The following PELI1 variants were observed in gnomAD, a reference collection of about 807,000 sequenced individuals.
PELI1 encodes the protein pellino E3 ubiquitin protein ligase 1, also known as E3 ubiquitin-protein ligase pellino homolog 1.
Under a neutral mutation model 41.3 loss-of-function variants are expected in PELI1, and 15 were observed. That is an observed-to-expected ratio of 0.36 (90% confidence interval 0.24 to 0.56). The LOEUF (loss-of-function observed/expected upper bound fraction) is 0.56. PELI1 is among the 20% of genes least tolerant of loss of function. PELI1 has a pLI of 0.82. For missense variants in PELI1, 403 were observed against 525.5 expected (o/e 0.77, Z 2.28); for synonymous variants, 178 against 180.1 (o/e 0.99, Z 0.09).
chr2:64,100,325 C>T (rs1450986074), intron 4 of PELI1, 73 bp downstream of exon 4: 2 of 781,376 alleles, frequency 2.6e-6, no homozygotes, highest in Non-Finnish European at 4.6e-6. Flanking sequence ...CCTCTGACCT[C>T]AGCAAAAGTC....
At chr2:64,103,014 T>C (rs1680497866) in intron 3 of PELI1, among the ~76,000 whole-genome samples, 1 of 151,930 alleles carries the variant, frequency 6.6e-6, no homozygotes, top group African/African-American at 2.4e-5. Flanking sequence ...GCTAATTTTT[T>C]GTATTTTTGG....
chr2:64,143,149 T>A (rs1681968060), intron 1 of PELI1: 1 of 152,234 alleles, frequency 6.6e-6, no homozygotes, highest in Admixed American at 6.5e-5. Flanking sequence ...CCCTTCTTGC[T>A]CTCTTGCCTC....
At chr2:64,099,165 TACACACACACAC>T (rs70965174) in intron 4 of PELI1, among the ~76,000 whole-genome samples, 59 of 144,892 alleles carry the variant, frequency 4.1e-4, no homozygotes, top group South Asian at 2.7e-3. Flanking sequence ...ATCTTGGAGA[TACACACACACAC>T]ACACACACAC....
chr2:64,118,587 G>C (rs1211108641), intron 1 of PELI1, among the ~76,000 whole-genome samples: 1 of 152,132 alleles, frequency 6.6e-6, no homozygotes, highest in Non-Finnish European at 1.5e-5. Context: ...TTAGCAGGAA[G>C]ACTCCCCCTA....
Position 64,094,643 on chromosome 2 carries a change from G to A in PELI1, c.*59C>T, listed in dbSNP as rs969798289. On this transcript the variant is annotated 3_prime_UTR_variant, in exon 7 of 7. Coordinates refer to ENST00000358912, the MANE Select transcript of PELI1 (RefSeq NM_020651.4). Reference sequence around the variant, plus strand: ...AAACTGTGACGTGGACAACAGGTTCGAAAACCCAACTCACTTAGCTTATAA... The same window carrying A: ...AAACTGTGACGTGGACAACAGGTTCAAAAACCCAACTCACTTAGCTTATAA... 10 of 1,316,448 alleles carry A rather than the reference G, an allele frequency of 7.6e-6. No individual in the cohort carries two copies. The East Asian group carries it at 1.2e-4, about 15-fold the overall frequency. The allele number at this position is 1,316,448 out of a possible 1,614,324, so 81.5% of individuals were successfully genotyped here.
At chr2:64,120,744 T>C (rs1015374757) in intron 1 of PELI1, among the ~76,000 whole-genome samples, 3 of 152,234 alleles carry the variant, frequency 2.0e-5, no homozygotes, top group Admixed American at 6.5e-5. Context: ...GTGATCTTAA[T>C]TGGAATCATT....
At chr2:64,125,541 A>G (rs1681357033) in intron 1 of PELI1, among the ~76,000 whole-genome samples, 1 of 152,190 alleles carries the variant, frequency 6.6e-6, no homozygotes, top group African/African-American at 2.4e-5. Flanking sequence ...CCCTCTGAGG[A>G]CAAAGACATT....
At position 64,094,924 on chromosome 2, in the gene PELI1, C is replaced by A. The variant is rs747171765; in HGVS notation, c.1035G>T (p.Leu345=). Residue 345 remains leucine, a synonymous_variant, in exon 7 of 7, where the codon CTG becomes CTT. Transcript: ENST00000358912. The stretch of plus-strand genomic sequence containing the variant: ...AAAATCCAGCTTCACATCCAAGCCA[C>A]AGAGGAACATAGGGACCAACAGACC... The part of the protein sequence containing the change: ...MCRSVGPYVP[L]WLGCEAGFYV... The A allele has an allele frequency of 3.1e-6, 5 of 1,612,582 alleles. No individual in the cohort carries two copies. Among genetic ancestry groups the A allele is most frequent in the Non-Finnish European group, 3.4e-6 (4 of 1,179,550 alleles).
intron 3 of PELI1, 73 bp downstream of exon 3, chr2:64,104,628 G>T (rs1680559785): frequency 1.1e-5 from 16 of 1,469,586 alleles, no homozygotes; most frequent in Admixed American, 4.6e-5. Context: ...GAATGCTAGA[G>T]AATACAAACA....
intron 1 of PELI1, among the ~76,000 whole-genome samples, chr2:64,110,010 G>C (rs144987065): frequency 6.6e-6 from 1 of 152,030 alleles, no homozygotes; most frequent in Non-Finnish European, 1.5e-5. Flanking sequence ...TTTGGGAAGC[G>C]GAGGCGGGAA....
At chr2:64,113,344 A>C (rs76402706) in intron 1 of PELI1, among the ~76,000 whole-genome samples, 6,197 of 152,160 alleles carry the variant, frequency 0.041, 142 homozygotes, top group African/African-American at 0.073. Context: ...TGAGAACTTT[A>C]AATGAGTATG....
At position 64,094,139 on chromosome 2, in the gene PELI1, G is replaced by A. The variant is rs1254335196; in HGVS notation, c.*563C>T. The A allele has an allele frequency of 6.6e-6, 1 of 152,510 alleles. No homozygotes were observed. Among genetic ancestry groups the A allele is most frequent in the Non-Finnish European group, 1.5e-5 (1 of 68,038 alleles). The allele number at this position is 152,510 out of a possible 1,614,324, so 9.4% of individuals were successfully genotyped here. A position where few individuals can be genotyped will look rare whatever the true frequency, so the allele number is the denominator to read the frequency against. ...CAAATTCCATATTTAGATTGGGGTG[G>A]GGAGAGAGGCTCTCTCGTCCTTCTT... On this transcript the variant is annotated 3_prime_UTR_variant, in exon 7 of 7. Coordinates refer to ENST00000358912, the MANE Select transcript of PELI1 (RefSeq NM_020651.4).
intron 1 of PELI1, among the ~76,000 whole-genome samples, chr2:64,112,398 A>G (rs1680834554): frequency 6.6e-6 from 1 of 152,156 alleles, no homozygotes; most frequent in African/African-American, 2.4e-5. Context: ...GCATAACACT[A>G]TAGATTTAGT....
rs1325330746 is a variant in PELI1 at position 64,094,887 on chromosome 2, C to T, written c.1072G>A (p.Gly358Ser). Residue 358 changes from glycine to serine, a missense_variant, in exon 7 of 7, where the codon GGC (glycine) becomes AGC (serine). Transcript: ENST00000358912. ...GGGCTAAACGCATGGGTTGGAGGGC[C>T]GGCGTCCACATAAAATCCAGCTTCA... ...GCEAGFYVDAGPPTHAFSPCG... is the reference protein window; with the variant it reads ...GCEAGFYVDASPPTHAFSPCG... The T allele has an allele frequency of 9.3e-6, 15 of 1,614,002 alleles. No homozygotes were observed. The highest frequency in any genetic ancestry group is 3.3e-5 in the South Asian group (3 of 91,084).
At chr2:64,139,843 TA>T (rs1373961183) in intron 1 of PELI1, among the ~76,000 whole-genome samples, 9 of 152,224 alleles carry the variant, frequency 5.9e-5, no homozygotes, top group African/African-American at 1.9e-4. Context: ...CCCAGTTTTC[TA>T]AACACAGCAC....
At chr2:64,134,952 C>A (rs1430726827) in intron 1 of PELI1, among the ~76,000 whole-genome samples, 5 of 152,138 alleles carry the variant, frequency 3.3e-5, no homozygotes. Context: ...CAGGGCCAGT[C>A]ACTTCATAAT....
rs1680117675 is a variant in PELI1, at chr2:64,093,423, T to C, written c.*1279A>G. ...AGATTTGATGTAGTGCAACTGTCTA[T>C]ACTTGTGGTGCCTTTGAAAAAAGGG... On this transcript the variant is annotated 3_prime_UTR_variant, in exon 7 of 7. Transcript: ENST00000358912. 1 of 152,670 alleles carries C rather than the reference T, an allele frequency of 6.6e-6. No homozygotes were observed. The highest frequency in any genetic ancestry group is 6.5e-5 in the Admixed American group (1 of 15,292). 9.5% of individuals were successfully genotyped at this position (152,670 alleles called of 1,614,324 possible). A position where few individuals can be genotyped will look rare whatever the true frequency, so the allele number is the denominator to read the frequency against.
At chr2:64,123,737 G>C (rs186674538) in intron 1 of PELI1, among the ~76,000 whole-genome samples, 4 of 152,276 alleles carry the variant, frequency 2.6e-5, no homozygotes, top group Admixed American at 2.0e-4. Context: ...CACTCTGGCA[G>C]TTCCTCCAGA....
At chr2:64,100,537 AG>A in intron 3 of PELI1, 38 bp from the exon 4 acceptor site, 3 of 939,066 alleles carry the variant, frequency 3.2e-6, no homozygotes, top group Non-Finnish European at 5.3e-6. Flanking sequence ...ATTAGTAGGC[AG>A]GTCAATCCAA....
Sources: allele counts gnomAD v4.1 joint callset (sites outside exome capture counted in the v4.1 genomes callset), GRCh38; gene constraint gnomAD v4.1.1; transcripts MANE v1.5; gene names NCBI Gene and HGNC (gene_info 2026-07-23, HGNC 2026-07-21).